EFL1: variants seen among roughly 807,000 people sequenced by gnomAD.
The protein encoded by EFL1 is elongation factor like GTPase 1, also known as elongation factor-like GTPase 1.
Under a neutral mutation model 126.7 loss-of-function variants are expected in EFL1, and 76 were observed. The ratio of observed to expected loss-of-function variants is 0.60; its 90% CI spans 0.50 to 0.73. The LOEUF (loss-of-function observed/expected upper bound fraction) is 0.73. Among genes scored for constraint, EFL1 ranks in the 30% least tolerant of loss-of-function variants. The probability of loss-of-function intolerance (pLI) is 0.00; values close to 1 mark genes in which losing one functional copy is unlikely to be tolerated. For missense variants in EFL1, 1,128 were observed against 1,343.2 expected (o/e 0.84, Z 2.50); for synonymous variants, 410 against 448.4 (o/e 0.91, Z 1.08).
intron 16 of EFL1, among the ~76,000 whole-genome samples, chr15:82,162,444 A>G (rs1030182563): frequency 3.9e-5 from 6 of 152,260 alleles, no homozygotes; most frequent in Non-Finnish European, 8.8e-5. Context: ...CACAACTTAA[A>G]TAAAACTGAG....
intron 15 of EFL1, among the ~76,000 whole-genome samples, chr15:82,186,173 C>T (rs935275261): frequency 2.6e-5 from 4 of 151,754 alleles, no homozygotes; most frequent in African/African-American, 9.7e-5. Flanking sequence ...CAAAGGCTAG[C>T]TTTTTATACT....
chr15:82,217,373 G>GGA (rs1429392936), intron 14 of EFL1, among the ~76,000 whole-genome samples: 5 of 27,154 alleles, frequency 1.8e-4, no homozygotes, highest in Admixed American at 3.8e-4. Flanking sequence ...GATTAGATTT[G>GGA]AAAAAAAAAA....
Position 82,259,049 on chromosome 15 carries a change from T to C in EFL1, c.159+39A>G, listed in dbSNP as rs752155610. 5.8e-6 allele frequency: 9 copies of C among 1,564,544 alleles called. No individual in the cohort carries two copies. The East Asian group carries it at 6.7e-5, about 12-fold the overall frequency. On this transcript the variant is annotated intron_variant, in intron 3 of 19. Transcript: ENST00000268206. ...GGTTCATCACATTGTTGATAGCTAA[T>C]ACTGAAATGCAACAAGTATTTATAA...
chr15:82,244,879 G>C (rs1425428287), intron 4 of EFL1, among the ~76,000 whole-genome samples: 3 of 152,156 alleles, frequency 2.0e-5, no homozygotes, highest in African/African-American at 7.2e-5. Context: ...ATAGAAAGCT[G>C]ATGAGAGAAA....
intron 15 of EFL1, among the ~76,000 whole-genome samples, chr15:82,211,593 T>TACACACACACACACACACACACACACAC (rs1567064844): frequency 5.5e-5 from 3 of 54,512 alleles, no homozygotes; most frequent in African/African-American, 1.8e-4. Flanking sequence ...AGACACATAC[T>TACACACACACACACACACACACACACAC]AGACACACAC....
intron 18 of EFL1, among the ~76,000 whole-genome samples, chr15:82,145,703 G>A (rs187969286): frequency 3.3e-5 from 5 of 151,498 alleles, no homozygotes; most frequent in Non-Finnish European, 7.4e-5. Context: ...GAGTGGTGGC[G>A]GGTTCCTGTA....
intron 7 of EFL1, among the ~76,000 whole-genome samples, chr15:82,235,106 C>G (rs538102584): frequency 6.6e-6 from 1 of 152,240 alleles, no homozygotes; most frequent in South Asian, 2.1e-4. Flanking sequence ...CAAGAAAACA[C>G]AGGCTTCAGA....
intron 15 of EFL1, among the ~76,000 whole-genome samples, chr15:82,164,495 C>A (rs1228080860): frequency 1.3e-5 from 2 of 152,136 alleles, no homozygotes; most frequent in Admixed American, 6.6e-5. Flanking sequence ...TAGTCAACCC[C>A]TTCCCCCTGC....
chr15:82,209,006 A>C (rs1326372859), intron 15 of EFL1, among the ~76,000 whole-genome samples: 1 of 152,162 alleles, frequency 6.6e-6, no homozygotes, highest in African/African-American at 2.4e-5. Context: ...AAAGAGAATA[A>C]AATCATTACT....
chr15:82,262,637 C>T lies in EFL1; in HGVS notation c.-43G>A. 2.1e-6 allele frequency: 1 copy of T among 466,652 alleles called. No homozygotes were observed. Among genetic ancestry groups the T allele is most frequent in the South Asian group, 2.4e-5 (1 of 40,978 alleles). 28.9% of individuals were successfully genotyped at this position (466,652 alleles called of 1,614,324 possible). ...ACCGGCTGCAGCAGCCCCACCAGCC[C>T]CGCTCCTTCTCTCGGGTCGCACCCA... On this transcript the variant is annotated 5_prime_UTR_variant, in exon 1 of 20. Transcript: ENST00000268206.
rs1468442007 is a variant in EFL1 at position 82,141,170 on chromosome 15, C to T, written c.2990-2328G>A. 1.1e-4 allele frequency among the ~76,000 whole-genome samples: 17 copies of T among 152,198 alleles called. No individual in the cohort carries two copies. The East Asian group carries it at 1.7e-3, about 16-fold the overall frequency. On this transcript the variant is annotated intron_variant, in intron 18 of 19. Transcript: ENST00000268206. ...TGAACTACTATGATTTATTTACATC[C>T]CTCTTGGTATTTGGTACCCGGAAAT...
chr15:82,185,163 G>A (rs2074290009), intron 15 of EFL1, among the ~76,000 whole-genome samples: 1 of 134,514 alleles, frequency 7.4e-6, no homozygotes, highest in South Asian at 2.4e-4. Flanking sequence ...AATGTTTCAT[G>A]TGTGGCTGTG....
At chr15:82,207,597 TACC>T (rs1298355563) in intron 15 of EFL1, among the ~76,000 whole-genome samples, 2 of 152,092 alleles carry the variant, frequency 1.3e-5, no homozygotes, top group East Asian at 1.9e-4. Context: ...TGTGTTTTCT[TACC>T]ACAATTTTAA....
At chr15:82,199,964 C>T (rs1247869571) in intron 15 of EFL1, among the ~76,000 whole-genome samples, 3 of 152,028 alleles carry the variant, frequency 2.0e-5, no homozygotes, top group Non-Finnish European at 4.4e-5. Flanking sequence ...ATTATTGATA[C>T]CCTCAAAATC....
intron 14 of EFL1, among the ~76,000 whole-genome samples, chr15:82,217,218 G>A (rs142629808): frequency 8.5e-5 from 13 of 152,128 alleles, no homozygotes; most frequent in African/African-American, 1.4e-4. Context: ...TATTGGGAGT[G>A]TAAATCAGAA....
chr15:82,171,158 A>T (rs1252180371), intron 15 of EFL1, among the ~76,000 whole-genome samples: 1 of 152,238 alleles, frequency 6.6e-6, no homozygotes, highest in East Asian at 1.9e-4. Context: ...GTCCTGATTG[A>T]AATGATCAAA....
chr15:82,216,043 G>T (rs2074642533), intron 14 of EFL1, among the ~76,000 whole-genome samples: 1 of 152,054 alleles, frequency 6.6e-6, no homozygotes, highest in Non-Finnish European at 1.5e-5. Flanking sequence ...TGGCAAAAAT[G>T]CAAGATCAAT....
At chr15:82,170,413 C>T (rs2074123452) in intron 15 of EFL1, among the ~76,000 whole-genome samples, 1 of 152,070 alleles carries the variant, frequency 6.6e-6, no homozygotes, top group Non-Finnish European at 1.5e-5. Flanking sequence ...CGCGCCCGGC[C>T]CCACTGGATG....
At chr15:82,159,759 C>A (rs2074004050) in intron 16 of EFL1, among the ~76,000 whole-genome samples, 1 of 152,046 alleles carries the variant, frequency 6.6e-6, no homozygotes, top group Admixed American at 6.6e-5. Flanking sequence ...ATACATTTTA[C>A]CAAAACCTTT....
Sources: allele counts gnomAD v4.1 joint callset (sites outside exome capture counted in the v4.1 genomes callset), GRCh38; gene constraint gnomAD v4.1.1; transcripts MANE v1.5; gene names NCBI Gene and HGNC (gene_info 2026-07-23, HGNC 2026-07-21).